The following GPR39 variants were observed in gnomAD, a reference collection of about 807,000 sequenced individuals.
GPR39 encodes zinc sensing receptor.
In GPR39, 23 loss-of-function variants were observed where a neutral mutation model predicts 18.4. The ratio of observed to expected loss-of-function variants is 1.25; its 90% confidence interval spans 0.90 to 1.77. The LOEUF is 1.77. Ranked by LOEUF, GPR39 falls within the 40% of genes most tolerant of loss-of-function variation. The pLI, the probability that GPR39 is intolerant of heterozygous loss-of-function variation, is 0.00. For synonymous variants in GPR39, 280 were observed against 257.9 expected (o/e 1.09, Z -0.82); for missense variants, 647 against 602.4 (o/e 1.07, Z -0.78).
intron 1 of GPR39, among the ~76,000 whole-genome samples, chr2:132,465,531 C>G (rs2104779663): frequency 6.6e-6 from 1 of 152,278 alleles, no homozygotes; most frequent in South Asian, 2.1e-4. Context: ...TGGGGAGTCC[C>G]TGGATGGCAA....
At chr2:132,553,161 A>G (rs941643832) in intron 1 of GPR39, among the ~76,000 whole-genome samples, 1 of 151,276 alleles carries the variant, frequency 6.6e-6, no homozygotes, top group African/African-American at 2.4e-5. Flanking sequence ...CCTGACCTCA[A>G]CTATGCCTCC....
chr2:132,498,451 A>C (rs1318805320), intron 1 of GPR39, among the ~76,000 whole-genome samples: 1 of 152,104 alleles, frequency 6.6e-6, no homozygotes, highest in Non-Finnish European at 1.5e-5. Flanking sequence ...GTATTTATAT[A>C]CCACATTTTC....
At chr2:132,495,625 C>G (rs781262600) in intron 1 of GPR39, among the ~76,000 whole-genome samples, 8 of 152,142 alleles carry the variant, frequency 5.3e-5, no homozygotes, top group Admixed American at 4.6e-4. Flanking sequence ...CCCTTCCTTG[C>G]CGAACTCATC....
intron 1 of GPR39, among the ~76,000 whole-genome samples, chr2:132,526,753 T>G (rs1027366792): frequency 6.6e-6 from 1 of 152,072 alleles, no homozygotes; most frequent in African/African-American, 2.4e-5. Context: ...GCTCCTAAGC[T>G]CCTATATTAA....
chr2:132,620,838 C>T (rs537150675), intron 1 of GPR39, among the ~76,000 whole-genome samples: 63 of 152,298 alleles, frequency 4.1e-4, no homozygotes, highest in Admixed American at 1.8e-3. Context: ...CCACAAGCTC[C>T]ACCTCCCAGG....
At chr2:132,566,736 T>G (rs1680355123) in intron 1 of GPR39, among the ~76,000 whole-genome samples, 1 of 152,190 alleles carries the variant, frequency 6.6e-6, no homozygotes, top group African/African-American at 2.4e-5. Context: ...GAGCTTAGGG[T>G]AAGTGCTCCG....
intron 1 of GPR39, among the ~76,000 whole-genome samples, chr2:132,593,499 C>A (rs1680882199): frequency 6.6e-6 from 1 of 152,152 alleles, no homozygotes; most frequent in South Asian, 2.1e-4. Flanking sequence ...GCTCTCTCTT[C>A]AGAAATTCAA....
chr2:132,519,921 T>C (rs34403239), intron 1 of GPR39, among the ~76,000 whole-genome samples: 8,394 of 152,208 alleles, frequency 0.055, 493 homozygotes, highest in African/African-American at 0.15. Context: ...CTGTCTAAAA[T>C]GCAAATGGGA....
chr2:132,469,765 C>G (rs1328025703), intron 1 of GPR39, among the ~76,000 whole-genome samples: 1 of 152,186 alleles, frequency 6.6e-6, no homozygotes, highest in African/African-American at 2.4e-5. Context: ...AGGAGCCTCT[C>G]CCGAGCACCT....
At chr2:132,490,080 C>T (rs797019299) in intron 1 of GPR39, among the ~76,000 whole-genome samples, 27 of 151,994 alleles carry the variant, frequency 1.8e-4, no homozygotes, top group African/African-American at 5.8e-4. Flanking sequence ...AAGCCACTCT[C>T]TTCTGCCAAA....
At chr2:132,628,076 CCATCTCAGATG>C (rs1429202151) in intron 1 of GPR39, among the ~76,000 whole-genome samples, 1 of 152,190 alleles carries the variant, frequency 6.6e-6, no homozygotes, top group Non-Finnish European at 1.5e-5. Context: ...CCTCTTTTCT[CCATCTCAGATG>C]CATCTCAGGG....
At chr2:132,493,788 C>T (rs1262777804) in intron 1 of GPR39, among the ~76,000 whole-genome samples, 1 of 151,768 alleles carries the variant, frequency 6.6e-6, no homozygotes, top group Non-Finnish European at 1.5e-5. Flanking sequence ...TTTAACAGAG[C>T]ACCACAGGCT....
chr2:132,423,353 GCCCCA>G (rs1680051203), intron 1 of GPR39, among the ~76,000 whole-genome samples: 1 of 152,040 alleles, frequency 6.6e-6, no homozygotes, highest in Non-Finnish European at 1.5e-5. Context: ...TCAGATTAGG[GCCCCA>G]CCCTTACAAC....
At chr2:132,476,827 G>T (rs1000589132) in intron 1 of GPR39, among the ~76,000 whole-genome samples, 1 of 152,104 alleles carries the variant, frequency 6.6e-6, no homozygotes, top group Non-Finnish European at 1.5e-5. Context: ...AGGACAGGCT[G>T]TTATTCCTTA....
chr2:132,601,189 T>C (rs1016763823), intron 1 of GPR39, among the ~76,000 whole-genome samples: 9 of 152,098 alleles, frequency 5.9e-5, no homozygotes, highest in African/African-American at 2.2e-4. Flanking sequence ...ATATTCTTGA[T>C]GAACATAGAA....
intron 1 of GPR39, among the ~76,000 whole-genome samples, chr2:132,560,398 GCTCTCCAGT>G (rs1426081314): frequency 2.6e-5 from 4 of 152,116 alleles, no homozygotes; most frequent in African/African-American, 4.8e-5. Flanking sequence ...CCCTTCCACT[GCTCTCCAGT>G]CTCTCCCCAT....
At chr2:132,522,987 G>A (rs763619599) in intron 1 of GPR39, among the ~76,000 whole-genome samples, 2 of 151,820 alleles carry the variant, frequency 1.3e-5, no homozygotes, top group Non-Finnish European at 2.9e-5. Context: ...GGGGGACGAG[G>A]CCCACCCCAT....
At chr2:132,421,595 A>G (rs1235127552) in intron 1 of GPR39, among the ~76,000 whole-genome samples, 1 of 152,218 alleles carries the variant, frequency 6.6e-6, no homozygotes, top group Non-Finnish European at 1.5e-5. Flanking sequence ...GGGATTACAC[A>G]TCAACTTGGT....
At chr2:132,435,857 T>C (rs1169561481) in intron 1 of GPR39, among the ~76,000 whole-genome samples, 1 of 152,184 alleles carries the variant, frequency 6.6e-6, no homozygotes, top group African/African-American at 2.4e-5. Flanking sequence ...CTCCAAGGAA[T>C]AGAAAGAGTG....
Sources: gnomAD v4.1 joint callset for allele counts (sites outside exome capture counted in the v4.1 genomes callset) on GRCh38, gnomAD v4.1.1 for gene constraint, MANE v1.5 for transcripts, NCBI Gene and HGNC (gene_info 2026-07-23, HGNC 2026-07-21) for gene names.